Variants in CSMD1 observed in about 807,000 individuals in gnomAD.
CSMD1 encodes CUB and Sushi multiple domains 1, also known as CUB and sushi domain-containing protein 1.
In CSMD1, 213 loss-of-function variants were observed where a neutral mutation model predicts 417.5. The observed-to-expected ratio is 0.51, with a 90% CI of 0.46 to 0.57. CSMD1 has a LOEUF of 0.57. Among genes scored for constraint, CSMD1 ranks in the 20% least tolerant of loss-of-function variants. CSMD1 has a pLI of 0.00. For synonymous variants in CSMD1, 2,862 were observed against 1,736.8 expected, an observed-to-expected ratio of 1.65 and a Z score of -16.11; for missense variants, 6,923 against 4,529.7, an observed-to-expected ratio of 1.53 and a Z score of -15.17.
At chr8:4,618,122 G>C (rs184558378) in intron 2 of CSMD1, among the ~76,000 whole-genome samples, 1 of 152,186 alleles carries the variant, frequency 6.6e-6, no homozygotes, top group Non-Finnish European at 1.5e-5. Flanking sequence ...TCACATGAAA[G>C]GTTTCTGTCC....
intron 1 of CSMD1, among the ~76,000 whole-genome samples, chr8:4,778,355 T>C (rs1185745701): frequency 6.6e-6 from 1 of 152,204 alleles, no homozygotes; most frequent in African/African-American, 2.4e-5. Context: ...ATTGTTTTGA[T>C]GATTTTTCCA....
intron 3 of CSMD1, among the ~76,000 whole-genome samples, chr8:4,081,446 G>T (rs1334909732): frequency 1.3e-5 from 2 of 152,024 alleles, no homozygotes; most frequent in African/African-American, 2.4e-5. Flanking sequence ...ACCTTCTGGG[G>T]ACTCCAGCCA....
At chr8:4,383,895 G>C (rs956078940) in intron 3 of CSMD1, among the ~76,000 whole-genome samples, 4 of 152,114 alleles carry the variant, frequency 2.6e-5, no homozygotes, top group African/African-American at 9.7e-5. Context: ...ATATATTTTA[G>C]ATACTCATAA....
intron 1 of CSMD1, among the ~76,000 whole-genome samples, chr8:4,734,439 T>G (rs1810095534): frequency 6.6e-6 from 1 of 152,158 alleles, no homozygotes; most frequent in Non-Finnish European, 1.5e-5. Context: ...GGTGAAAAGT[T>G]GAATAGGAAT....
At chr8:4,624,433 T>A (rs953117156) in intron 2 of CSMD1, among the ~76,000 whole-genome samples, 2 of 152,158 alleles carry the variant, frequency 1.3e-5, no homozygotes, top group Non-Finnish European at 2.9e-5. Context: ...CTCTCTGGAA[T>A]TACCAGCATA....
chr8:4,959,562 T>C (rs1012867878), intron 1 of CSMD1, among the ~76,000 whole-genome samples: 4 of 152,252 alleles, frequency 2.6e-5, no homozygotes, highest in Non-Finnish European at 5.9e-5. Flanking sequence ...CACGGCACTA[T>C]AATTATCACC....
intron 2 of CSMD1, among the ~76,000 whole-genome samples, chr8:4,462,063 T>A (rs1563201619): frequency 6.6e-6 from 1 of 151,600 alleles, no homozygotes; most frequent in Non-Finnish European, 1.5e-5. Context: ...TTTATAGGGA[T>A]GAAGTCTCAC....
chr8:4,992,957 C>T (rs1407837782), intron 1 of CSMD1, among the ~76,000 whole-genome samples: 1 of 152,180 alleles, frequency 6.6e-6, no homozygotes, highest in Non-Finnish European at 1.5e-5. Context: ...GAGCGGTCAG[C>T]TTTCACGGAG....
intron 5 of CSMD1, among the ~76,000 whole-genome samples, chr8:3,980,216 C>T (rs1418680276): frequency 6.6e-6 from 1 of 152,182 alleles, no homozygotes; most frequent in Non-Finnish European, 1.5e-5. Flanking sequence ...TATGCCTCAT[C>T]TTATCAACCA....
chr8:4,354,116 G>T (rs1005591985), intron 3 of CSMD1, among the ~76,000 whole-genome samples: 1 of 152,130 alleles, frequency 6.6e-6, no homozygotes, highest in Non-Finnish European at 1.5e-5. Context: ...ACTTGCCCAA[G>T]AACGCGCCTG....
intron 12 of CSMD1, among the ~76,000 whole-genome samples, chr8:3,416,738 C>G (rs1007419871): frequency 6.6e-6 from 1 of 152,292 alleles, no homozygotes; most frequent in African/African-American, 2.4e-5. Flanking sequence ...TGTACATGGA[C>G]ACAAGACAGC....
chr8:4,197,000 T>C (rs1799376032), intron 3 of CSMD1, among the ~76,000 whole-genome samples: 1 of 152,242 alleles, frequency 6.6e-6, no homozygotes, highest in Admixed American at 6.5e-5. Flanking sequence ...TATTCTACGC[T>C]TTCTATTTTT....
intron 3 of CSMD1, among the ~76,000 whole-genome samples, chr8:4,282,915 C>G (rs916902868): frequency 6.6e-6 from 1 of 152,138 alleles, no homozygotes; most frequent in Admixed American, 6.5e-5. Context: ...CAGTTCATTG[C>G]TGTATAAACA....
chr8:4,233,762 C>A (rs1256231757), intron 3 of CSMD1, among the ~76,000 whole-genome samples: 1 of 152,112 alleles, frequency 6.6e-6, no homozygotes, highest in Non-Finnish European at 1.5e-5. Context: ...TGTTGAAATG[C>A]ACAAATAATA....
chr8:4,115,199 A>G (rs1427959531), intron 3 of CSMD1, among the ~76,000 whole-genome samples: 3 of 152,242 alleles, frequency 2.0e-5, no homozygotes, highest in African/African-American at 4.8e-5. Context: ...AGCAACTACC[A>G]TCTTGGTAAG....
intron 49 of CSMD1, among the ~76,000 whole-genome samples, chr8:3,080,603 T>C (rs1056794602): frequency 6.6e-6 from 1 of 152,180 alleles, no homozygotes; most frequent in Non-Finnish European, 1.5e-5. Context: ...TCTGTCCGGG[T>C]TGTGGCCTGG....
At chr8:4,613,800 T>A (rs1406472120) in intron 2 of CSMD1, among the ~76,000 whole-genome samples, 1 of 150,410 alleles carries the variant, frequency 6.6e-6, no homozygotes, top group Non-Finnish European at 1.5e-5. Context: ...GGGACTGGGA[T>A]TCACATGGGA....
At chr8:3,785,198 T>C (rs1481715) in intron 5 of CSMD1, among the ~76,000 whole-genome samples, 152,055 of 152,342 alleles carry the variant, frequency 1, 75,885 homozygotes, top group Non-Finnish European at 1. Context: ...ACTACTGAAT[T>C]AAAGAGTTGT....
intron 3 of CSMD1, among the ~76,000 whole-genome samples, chr8:4,214,767 G>C (rs1177835608): frequency 6.6e-6 from 1 of 152,080 alleles, no homozygotes; most frequent in Non-Finnish European, 1.5e-5. Flanking sequence ...TCCTCTAAAT[G>C]CTGTGATGCA....
Sources: gnomAD v4.1 joint callset for allele counts (sites outside exome capture counted in the v4.1 genomes callset) on GRCh38, gnomAD v4.1.1 for gene constraint, MANE v1.5 for transcripts, NCBI Gene and HGNC (gene_info 2026-07-23, HGNC 2026-07-21) for gene names.